Variants in GALNT7 observed in about 807,000 individuals in gnomAD.
The protein encoded by GALNT7 is N-acetylgalactosaminyltransferase 7.
GALNT7 carries 60 observed loss-of-function variants against 82.1 expected under a neutral mutation model. The observed-to-expected ratio is 0.73, with a 90% confidence interval of 0.59 to 0.91. The LOEUF (loss-of-function observed/expected upper bound fraction) is 0.91. GALNT7 is among the 40% of genes least tolerant of loss of function. The pLI is 0.00. For missense variants in GALNT7, 660 were observed against 804.2 expected, an observed-to-expected ratio of 0.82 and a Z score of 2.17; for synonymous variants, 243 against 275.1, an observed-to-expected ratio of 0.88 and a Z score of 1.15.
At chr4:173,247,542 C>A (rs1303081769) in intron 1 of GALNT7, among the ~76,000 whole-genome samples, 1 of 152,036 alleles carries the variant, frequency 6.6e-6, no homozygotes, top group Non-Finnish European at 1.5e-5. Flanking sequence ...AATACCACTG[C>A]CACCATATGG....
At chr4:173,243,185 C>G (rs1032746452) in intron 1 of GALNT7, among the ~76,000 whole-genome samples, 4 of 152,094 alleles carry the variant, frequency 2.6e-5, no homozygotes, top group African/African-American at 9.7e-5. Context: ...TTCTAAATCC[C>G]TTTGGATTTA....
intron 8 of GALNT7, among the ~76,000 whole-genome samples, chr4:173,308,365 G>A (rs1737237850): frequency 6.6e-6 from 1 of 152,008 alleles, no homozygotes; most frequent in African/African-American, 2.4e-5. Context: ...GTCTGACACT[G>A]TGTAGGGAAA....
At chr4:173,312,940 TA>T (rs937152044) in intron 8 of GALNT7, among the ~76,000 whole-genome samples, 27 of 152,096 alleles carry the variant, frequency 1.8e-4, no homozygotes, top group African/African-American at 5.8e-4. Flanking sequence ...GCACCTGTAA[TA>T]CCAGCTACTC....
rs374289064 is a variant in GALNT7 at position 173,279,918 on chromosome 4, TGA to T, written c.588-12188_588-12187del. Among the ~76,000 whole-genome samples the T allele has an allele frequency of 2.7e-4, 41 of 151,820 alleles. 1 individual carries two copies. The East Asian group carries it at 5.2e-3, about 19-fold the overall frequency. ...TGAACCCGGGTGGCAGAGGTTGCAG[TGA>T]GGCAAGACCATGCCACTGCACTCCA... On this transcript the variant is annotated intron_variant, in intron 2 of 11. Coordinates refer to ENST00000265000, the MANE Select transcript of GALNT7 (RefSeq NM_017423.3).
chr4:173,299,337 C>T (rs1736832979), intron 6 of GALNT7, among the ~76,000 whole-genome samples: 1 of 151,994 alleles, frequency 6.6e-6, no homozygotes. Flanking sequence ...GAATCAACTG[C>T]TTACGTGCTT....
At chr4:173,316,977 G>A (rs1305595144) in intron 9 of GALNT7, 1 of 152,208 alleles carries the variant, frequency 6.6e-6, no homozygotes, top group East Asian at 1.9e-4. Flanking sequence ...CATTATAGGT[G>A]CACAGTCCAT....
chr4:173,294,488 T>C lies in GALNT7; in HGVS notation c.755-908T>C, dbSNP rs189229821. Among the ~76,000 whole-genome samples the C allele has an allele frequency of 1.8e-3, 279 of 152,314 alleles. 1 individual carries two copies. The highest frequency in any genetic ancestry group is 3.6e-3 in the Non-Finnish European group (242 of 68,020). On this transcript the variant is annotated intron_variant, in intron 3 of 11. Transcript: ENST00000265000. ...AAGTATACAGTCTGATTTGCCCATT[T>C]AGCCACTAACTCATCTCTAAATACA...
At chr4:173,185,412 T>C (rs1579890032) in intron 1 of GALNT7, among the ~76,000 whole-genome samples, 3 of 64,452 alleles carry the variant, frequency 4.7e-5, no homozygotes, top group Non-Finnish European at 1.2e-4. Context: ...TCAATGAATC[T>C]CAAAAAAAAA....
chr4:173,289,602 G>A (rs934330180), intron 2 of GALNT7, among the ~76,000 whole-genome samples: 5 of 152,166 alleles, frequency 3.3e-5, no homozygotes, highest in Non-Finnish European at 7.3e-5. Flanking sequence ...CTCTAGGCAC[G>A]CACAAAGTGC....
chr4:173,200,599 C>T (rs7667345), intron 1 of GALNT7, among the ~76,000 whole-genome samples: 17,910 of 152,194 alleles, frequency 0.12, 1,338 homozygotes, highest in Non-Finnish European at 0.17. Context: ...TTGAATGGCA[C>T]GTATTCTCCA....
intron 2 of GALNT7, among the ~76,000 whole-genome samples, chr4:173,275,681 C>T (rs563166720): frequency 3.3e-5 from 5 of 152,284 alleles, no homozygotes; most frequent in Middle Eastern, 6.8e-3. Context: ...AACAATGGTC[C>T]ACTTTCCTCC....
chr4:173,250,516 C>T (rs535599461), intron 2 of GALNT7, among the ~76,000 whole-genome samples: 2 of 152,244 alleles, frequency 1.3e-5, no homozygotes, highest in Non-Finnish European at 2.9e-5. Flanking sequence ...CAGATCACTT[C>T]TGAGGTCCGC....
chr4:173,237,845 A>G (rs1024944434), intron 1 of GALNT7, among the ~76,000 whole-genome samples: 7 of 152,120 alleles, frequency 4.6e-5, no homozygotes, highest in Non-Finnish European at 7.3e-5. Flanking sequence ...GAGCATCGAG[A>G]AAAGAGAGAG....
chr4:173,293,352 A>T (rs1736607988), intron 3 of GALNT7, among the ~76,000 whole-genome samples: 1 of 145,120 alleles, frequency 6.9e-6, no homozygotes, highest in Non-Finnish European at 1.5e-5. Flanking sequence ...TTGAGTTTAG[A>T]GTAGGCAGAG....
At chr4:173,301,335 G>A (rs1487976115) in intron 6 of GALNT7, among the ~76,000 whole-genome samples, 1 of 152,074 alleles carries the variant, frequency 6.6e-6, no homozygotes, top group African/African-American at 2.4e-5. Context: ...AAATTCTGCT[G>A]TAATTTCTCC....
chr4:173,248,058 G>A lies in GALNT7; in HGVS notation c.205G>A (p.Val69Met), dbSNP rs1259136781. 1 of 1,613,630 alleles carries A rather than the reference G, an allele frequency of 6.2e-7. No individual in the cohort carries two copies. Among genetic ancestry groups the A allele is most frequent in the African/African-American group, 1.3e-5 (1 of 74,882 alleles). Residue 69 changes from valine to methionine, a missense_variant, in exon 2 of 12, where the codon GTG becomes ATG. By Grantham distance (21) the Val-to-Met change is conservative. This residue lies in a region of GALNT7 where 133 missense variants were observed against 120.7 expected (regional missense o/e 1.10). Coordinates refer to ENST00000265000, the MANE Select transcript of GALNT7 (RefSeq NM_017423.3). ...TCCTGGGGAGGACAGATTCAAACCTGTGGTACCATGGCCTCATGTTGAAGG... is the reference window on the plus strand; with the variant it reads ...TCCTGGGGAGGACAGATTCAAACCTATGGTACCATGGCCTCATGTTGAAGG... The part of the protein sequence containing the change: ...LAPGEDRFKP[V>M]VPWPHVEGVE...
At position 173,298,180 on chromosome 4, in the gene GALNT7, G is replaced by T; in HGVS notation, c.1031G>T (p.Gly344Val). ...AACACATATGAAATTATACCCCAAG[G>T]GGGTGGTGATGAAGATGGGTATGCC... ...NGNTYEIIPQ[G>V]GGDEDGYARG... The change falls in exon 6 of 12, where the codon GGG (glycine) becomes GTG (valine). Residue 344 changes from glycine (G) to valine (V), a missense_variant. By Grantham distance (109) the Gly-to-Val change is moderately radical. This residue lies in a region of GALNT7 where 527 missense variants were observed against 683.5 expected (regional missense o/e 0.77). Transcript: ENST00000265000. 6.2e-7 allele frequency: 1 copy of T among 1,613,972 alleles called. No homozygotes were observed. Among genetic ancestry groups the T allele is most frequent in the Non-Finnish European group, 8.5e-7 (1 of 1,179,876 alleles).
At chr4:173,304,648 T>C (rs973874196) in intron 8 of GALNT7, among the ~76,000 whole-genome samples, 2 of 152,034 alleles carry the variant, frequency 1.3e-5, no homozygotes, top group African/African-American at 4.8e-5. Context: ...CTTAAAACTA[T>C]TGTTCCTAAC....
At chr4:173,203,039 A>G (rs1391499455) in intron 1 of GALNT7, among the ~76,000 whole-genome samples, 2 of 131,904 alleles carry the variant, frequency 1.5e-5, no homozygotes, top group African/African-American at 5.8e-5. Context: ...TCATTTCTTT[A>G]CTTTCCGTCT....
Sources: allele counts gnomAD v4.1 joint callset (sites outside exome capture counted in the v4.1 genomes callset), GRCh38; gene constraint gnomAD v4.1.1; regional missense constraint gnomAD v4.1.1; transcripts MANE v1.5; gene names NCBI Gene and HGNC (gene_info 2026-07-23, HGNC 2026-07-21).